The following PCDHA6 variants were observed in gnomAD, a reference collection of about 807,000 sequenced individuals.
The protein encoded by PCDHA6 is protocadherin alpha-6.
Under a neutral mutation model 60.3 loss-of-function variants are expected in PCDHA6, and 55 were observed. That is an observed-to-expected ratio of 0.91 (90% confidence interval 0.73 to 1.14). The LOEUF is 1.14. PCDHA6 is among the 50% of genes most tolerant of loss of function. The probability of loss-of-function intolerance (pLI) is 0.00; values close to 1 mark genes in which losing one functional copy is unlikely to be tolerated. For missense variants in PCDHA6, 1,327 were observed against 1,256.5 expected (o/e 1.06, Z -0.85); for synonymous variants, 652 against 557.9 (o/e 1.17, Z -2.38).
rs140457638 is a variant in PCDHA6, at chr5:140,883,730, G to T, written c.2394+53245G>T. On this transcript the variant is annotated intron_variant, in intron 1 of 3. Coordinates refer to ENST00000529310, the MANE Select transcript of PCDHA6 (RefSeq NM_018909.4). ...TCAGGACGCGGACGCACAGGAGAAC[G>T]CGCTGGTCTCCTACTCGCTGGTGGA... 4.3e-6 allele frequency: 7 copies of T among 1,613,530 alleles called. No homozygotes were observed. The East Asian group carries it at 1.6e-4, about 36-fold the overall frequency.
chr5:140,946,844 G>A (rs189496185), intron 1 of PCDHA6, among the ~76,000 whole-genome samples: 5 of 151,386 alleles, frequency 3.3e-5, no homozygotes, highest in Non-Finnish European at 5.9e-5. Context: ...CAGTAGTAAG[G>A]AGGAGAGATT....
At position 140,847,437 on chromosome 5, in the gene PCDHA6, C is replaced by T. The variant is rs959002697; in HGVS notation, c.2394+16952C>T. The T allele has an allele frequency of 2.0e-5, 3 of 149,574 alleles. 1 individual carries two copies. The highest frequency in any genetic ancestry group is 4.5e-5 in the Non-Finnish European group (3 of 66,910). 9.3% of individuals were successfully genotyped at this position (149,574 alleles called of 1,614,324 possible). ...CGGTTTTGCCTTTAGACTTGAGATA[C>T]ACTAAAATCTAGATTTAATTAATCG... is the stretch of plus-strand genomic sequence containing the variant. On this transcript the variant is annotated intron_variant, in intron 1 of 3. Coordinates refer to ENST00000529310, the MANE Select transcript of PCDHA6 (RefSeq NM_018909.4).
At chr5:140,862,588 G>A in intron 1 of PCDHA6, 1 of 501,458 alleles carries the variant, frequency 2.0e-6, no homozygotes, top group Non-Finnish European at 4.1e-6. Context: ...CCAGCAGCCC[G>A]AGTACATGGT....
chr5:140,929,927 G>A (rs2086481303), intron 1 of PCDHA6: 1 of 152,202 alleles, frequency 6.6e-6, no homozygotes, highest in Non-Finnish European at 1.5e-5. Flanking sequence ...ATAAAAAACA[G>A]TGTATTCTCT....
chr5:140,964,586 C>T (rs2095842092), intron 1 of PCDHA6, among the ~76,000 whole-genome samples: 1 of 152,078 alleles, frequency 6.6e-6, no homozygotes, highest in Non-Finnish European at 1.5e-5. Flanking sequence ...GAGGAAAGAT[C>T]ACTTTTCATG....
chr5:140,876,827 C>A, intron 1 of PCDHA6: 3 of 1,614,182 alleles, frequency 1.9e-6, no homozygotes, highest in South Asian at 1.1e-5. Context: ...AACGACAATG[C>A]GCCTGCGTTC....
At chr5:140,876,848 A>C (rs1562720449) in intron 1 of PCDHA6, 8 of 1,614,064 alleles carry the variant, frequency 5.0e-6, no homozygotes, top group Non-Finnish European at 5.1e-6. Flanking sequence ...GCGCAGCCCG[A>C]GTACACAGTG....
At chr5:140,982,226 A>G in intron 2 of PCDHA6, 1 of 603,292 alleles carries the variant, frequency 1.7e-6, no homozygotes, top group Non-Finnish European at 2.5e-6. Context: ...GCGTTAATAA[A>G]AAACAGAATT....
chr5:140,955,505 C>T (rs1253768939), intron 1 of PCDHA6, among the ~76,000 whole-genome samples: 2 of 152,152 alleles, frequency 1.3e-5, no homozygotes, highest in African/African-American at 2.4e-5. Flanking sequence ...TGAAGAAAGA[C>T]GTGTTTGCTT....
intron 1 of PCDHA6, chr5:140,883,896 C>G (rs199847007): frequency 6.2e-7 from 1 of 1,613,386 alleles, no homozygotes; most frequent in African/African-American, 1.3e-5. Context: ...TCTGGCGTGC[C>G]GCCTCTGGGC....
rs2150313272 is a variant in PCDHA6, at chr5:140,841,310, C to G, written c.2394+10825C>G. 53 of 1,550,820 alleles carry G rather than the reference C, an allele frequency of 3.4e-5. No individual in the cohort carries two copies. In the Middle Eastern group the frequency reaches 5.2e-4, roughly 15 times the overall value. Reference sequence around the variant, plus strand: ...TAAGATAATATTTTCTGATAGGAAACGACTATTTAACATGGATTATCACTG... The same window carrying G: ...TAAGATAATATTTTCTGATAGGAAAGGACTATTTAACATGGATTATCACTG... On this transcript the variant is annotated intron_variant, in intron 1 of 3. Transcript: ENST00000529310.
chr5:141,001,370 T>G (rs1187805238), intron 3 of PCDHA6, among the ~76,000 whole-genome samples: 1 of 152,218 alleles, frequency 6.6e-6, no homozygotes, highest in African/African-American at 2.4e-5. Context: ...ACTATTCTGA[T>G]TACAGAGCCT....
intron 1 of PCDHA6, chr5:140,882,537 TCGACCGCGAGGAGCTGTGTGGGC>T (rs1554174449): frequency 1.2e-6 from 2 of 1,614,058 alleles, no homozygotes; most frequent in African/African-American, 2.7e-5. Flanking sequence ...AATTCTCGGA[TCGACCGCGAGGAGCTGTGTGGGC>T]GGAGCGCGGA....
At chr5:140,850,840 C>T (rs2150500104) in intron 1 of PCDHA6, 1 of 1,597,492 alleles carries the variant, frequency 6.3e-7, no homozygotes, top group Admixed American at 1.7e-5. Flanking sequence ...TGTGCTGGAT[C>T]TACAGAGCGA....
intron 1 of PCDHA6, chr5:140,850,704 C>G (rs2041773068): frequency 1.3e-6 from 2 of 1,598,020 alleles, no homozygotes; most frequent in Admixed American, 3.4e-5. Context: ...GCCTGGCAAG[C>G]CGACGCTGGT....
rs1311256758 is a variant in PCDHA6 at position 140,857,805 on chromosome 5, C to A, written c.2394+27320C>A. 13 of 1,597,714 alleles carry A rather than the reference C, an allele frequency of 8.1e-6. 1 individual carries two copies. The highest frequency in any genetic ancestry group is 1.7e-5 in the Admixed American group (1 of 59,256). On this transcript the variant is annotated intron_variant, in intron 1 of 3. Transcript: ENST00000529310. ...GAGCTGGTGCTGCGGTCGGTGGTTG[C>A]GGGTCACGTGGTGGCTAAGGTGCGC... is the stretch of plus-strand genomic sequence containing the variant.
intron 1 of PCDHA6, among the ~76,000 whole-genome samples, chr5:140,837,869 G>A (rs1367921938): frequency 6.6e-6 from 1 of 151,606 alleles, no homozygotes; most frequent in African/African-American, 2.4e-5. Flanking sequence ...TGTAGAGACA[G>A]GGTGGAGTCT....
chr5:140,875,915 TG>T, intron 1 of PCDHA6: 1 of 1,614,214 alleles, frequency 6.2e-7, no homozygotes, highest in Non-Finnish European at 8.5e-7. Context: ...TCTGCGCCTC[TG>T]GACTCTCATT....
chr5:140,921,131 C>A (rs532456439), intron 1 of PCDHA6, among the ~76,000 whole-genome samples: 1 of 133,054 alleles, frequency 7.5e-6, no homozygotes, highest in East Asian at 2.3e-4. Flanking sequence ...CAGGTGCACA[C>A]CACTACACCC....
Sources: allele counts gnomAD v4.1 joint callset (sites outside exome capture counted in the v4.1 genomes callset), GRCh38; gene constraint gnomAD v4.1.1; transcripts MANE v1.5; gene names NCBI Gene and HGNC (gene_info 2026-07-23, HGNC 2026-07-21).